WWOX: variants seen among roughly 807,000 people sequenced by gnomAD.
WWOX encodes the protein WW domain-containing oxidoreductase.
WWOX carries 69 observed loss-of-function variants against 46.2 expected under a neutral mutation model. The observed-to-expected ratio is 1.49, with a 90% CI of 1.23 to 1.82. The LOEUF is 1.82. Among genes scored for constraint, WWOX ranks in the 40% most tolerant of loss-of-function variants. The pLI, the probability that WWOX is intolerant of heterozygous loss-of-function variation, is 0.00. For synonymous variants in WWOX, 359 were observed against 202.6 expected, an observed-to-expected ratio of 1.77 and a Z score of -6.56; for missense variants, 919 against 542.6, an observed-to-expected ratio of 1.69 and a Z score of -6.89.
chr16:78,161,794 A>G (rs1006237788), intron 4 of WWOX, among the ~76,000 whole-genome samples: 4 of 152,022 alleles, frequency 2.6e-5, no homozygotes, highest in African/African-American at 9.7e-5. Flanking sequence ...AGCTTTTTAA[A>G]TTTGTAGAGA....
chr16:79,141,983 C>T (rs1373161542), intron 8 of WWOX, among the ~76,000 whole-genome samples: 2 of 152,158 alleles, frequency 1.3e-5, no homozygotes, highest in Non-Finnish European at 2.9e-5. Flanking sequence ...GATGTCTACA[C>T]GGTGTTCTCC....
intron 8 of WWOX, among the ~76,000 whole-genome samples, chr16:78,537,888 G>T (rs1426676576): frequency 1.3e-5 from 2 of 152,172 alleles, no homozygotes; most frequent in African/African-American, 4.8e-5. Context: ...TCTCCGGAAG[G>T]TTGTCCGCGG....
chr16:79,096,785 T>C (rs2049083357), intron 8 of WWOX, among the ~76,000 whole-genome samples: 1 of 152,150 alleles, frequency 6.6e-6, no homozygotes, highest in Admixed American at 6.5e-5. Context: ...AGGAACCTCA[T>C]AGGTGCTTAG....
intron 8 of WWOX, among the ~76,000 whole-genome samples, chr16:79,136,021 T>G (rs891589181): frequency 1.3e-5 from 2 of 152,236 alleles, no homozygotes; most frequent in African/African-American, 4.8e-5. Flanking sequence ...CCTTGTAATT[T>G]TTTCCTGTGC....
intron 8 of WWOX, among the ~76,000 whole-genome samples, chr16:79,078,855 T>G (rs2048708246): frequency 6.6e-6 from 1 of 152,184 alleles, no homozygotes; most frequent in Non-Finnish European, 1.5e-5. Context: ...CCATTTAAAG[T>G]GCTTAAACCA....
Position 78,267,676 on chromosome 16 carries a change from C to T in WWOX, c.516+103387C>T, listed in dbSNP as rs144352589. ...CTGACACTGTCTTTTAAGAGACCTG[C>T]CTGTGAGGTCCTCATCCTGCTCCCT... On this transcript the variant is annotated intron_variant, in intron 5 of 8. Coordinates refer to ENST00000566780, the MANE Select transcript of WWOX (RefSeq NM_016373.4). Among the ~76,000 whole-genome samples the T allele has an allele frequency of 2.3e-3, 351 of 152,040 alleles. 9 individuals are homozygous for T. Among genetic ancestry groups the T allele is most frequent in the Admixed American group, 0.02 (300 of 15,272 alleles).
intron 5 of WWOX, among the ~76,000 whole-genome samples, chr16:78,300,447 A>G (rs1009327079): frequency 5.9e-5 from 9 of 151,720 alleles, no homozygotes; most frequent in Non-Finnish European, 1.0e-4. Context: ...TTTATTCTCT[A>G]ATCTCAGGAG....
chr16:78,867,574 T>C (rs1025569612), intron 8 of WWOX, among the ~76,000 whole-genome samples: 1 of 152,034 alleles, frequency 6.6e-6, no homozygotes, highest in Admixed American at 6.6e-5. Context: ...GGAGCTTTGC[T>C]CTTTCACCCA....
chr16:79,094,108 A>C (rs1015328363), intron 8 of WWOX, among the ~76,000 whole-genome samples: 5 of 152,096 alleles, frequency 3.3e-5, no homozygotes, highest in Admixed American at 1.3e-4. Context: ...TCACTCCTCT[A>C]TCCTGTGAAT....
chr16:78,993,720 A>G (rs1041855656), intron 8 of WWOX, among the ~76,000 whole-genome samples: 2 of 152,178 alleles, frequency 1.3e-5, no homozygotes, highest in African/African-American at 4.8e-5. Flanking sequence ...GGCTCCAGCA[A>G]TCTGCCTGGT....
At chr16:78,976,186 A>T (rs1302432290) in intron 8 of WWOX, among the ~76,000 whole-genome samples, 1 of 152,370 alleles carries the variant, frequency 6.6e-6, no homozygotes, top group Admixed American at 6.5e-5. Flanking sequence ...TTCTTGGATG[A>T]AAGAATGAAC....
intron 8 of WWOX, among the ~76,000 whole-genome samples, chr16:79,056,889 A>G (rs545182264): frequency 1.3e-5 from 2 of 152,362 alleles, no homozygotes; most frequent in East Asian, 3.9e-4. Context: ...CAGGCTGGGC[A>G]CTTCAAACCT....
chr16:78,716,894 T>C (rs894828689), intron 8 of WWOX, among the ~76,000 whole-genome samples: 1 of 152,202 alleles, frequency 6.6e-6, no homozygotes, highest in Admixed American at 6.5e-5. Context: ...ACTGGCTTCA[T>C]GTTTATTATC....
intron 4 of WWOX, among the ~76,000 whole-genome samples, chr16:78,120,159 C>T (rs956214461): frequency 3.3e-5 from 5 of 152,134 alleles, no homozygotes; most frequent in Non-Finnish European, 7.3e-5. Context: ...ACGTGTATTA[C>T]ATGGACCTAT....
At chr16:78,154,676 C>A (rs1057487067) in intron 4 of WWOX, among the ~76,000 whole-genome samples, 2 of 152,022 alleles carry the variant, frequency 1.3e-5, no homozygotes, top group Admixed American at 1.3e-4. Context: ...TACCCTTGTG[C>A]TTCTCTGTCC....
chr16:78,490,754 C>T (rs1597157516), intron 8 of WWOX, among the ~76,000 whole-genome samples: 1 of 152,346 alleles, frequency 6.6e-6, no homozygotes, highest in African/African-American at 2.4e-5. Context: ...TCTTCAGCTA[C>T]ACCTTACCAA....
intron 8 of WWOX, among the ~76,000 whole-genome samples, chr16:78,519,085 T>A (rs2043296490): frequency 6.6e-6 from 1 of 152,230 alleles, no homozygotes; most frequent in Non-Finnish European, 1.5e-5. Flanking sequence ...GATGGATGTA[T>A]AGTCTTTGAA....
intron 8 of WWOX, among the ~76,000 whole-genome samples, chr16:78,483,363 C>G (rs1307834272): frequency 6.7e-6 from 1 of 148,556 alleles, no homozygotes; most frequent in African/African-American, 2.5e-5. Context: ...GAAGCATTGG[C>G]TGACATGGAA....
At chr16:79,032,796 C>A (rs7195101) in intron 8 of WWOX, among the ~76,000 whole-genome samples, 12,390 of 151,210 alleles carry the variant, frequency 0.082, 612 homozygotes, top group African/African-American at 0.14. Context: ...GTTCAGGGGT[C>A]CATGTGCAGG....
Sources: allele counts gnomAD v4.1 joint callset (sites outside exome capture counted in the v4.1 genomes callset), GRCh38; gene constraint gnomAD v4.1.1; transcripts MANE v1.5; gene names NCBI Gene and HGNC (gene_info 2026-07-23, HGNC 2026-07-21).